DOCK2: variants seen among roughly 807,000 people sequenced by gnomAD.
The protein encoded by DOCK2 is dedicator of cytokinesis protein 2.
Under a neutral mutation model 248.9 loss-of-function variants are expected in DOCK2, and 87 were observed. The observed-to-expected ratio is 0.35, with a 90% confidence interval of 0.29 to 0.42. The LOEUF is 0.42. Among genes scored for constraint, DOCK2 ranks in the 10% least tolerant of loss-of-function variants. The probability of loss-of-function intolerance (pLI) is 1.00; values close to 1 mark genes in which losing one functional copy is unlikely to be tolerated. For synonymous variants in DOCK2, 805 were observed against 821.6 expected (o/e 0.98, Z 0.35); for missense variants, 1,747 against 2,300.2 (o/e 0.76, Z 4.92).
intron 27 of DOCK2, among the ~76,000 whole-genome samples, chr5:169,938,910 C>CTTTTTTT (rs60068204): frequency 7.1e-6 from 1 of 141,218 alleles, no homozygotes; most frequent in Admixed American, 7.1e-5. Context: ...TTTTTCTTTT[C>CTTTTTTT]TTTTTTTTTT....
chr5:169,959,253 C>T (rs1053069114), intron 27 of DOCK2, among the ~76,000 whole-genome samples: 3 of 151,752 alleles, frequency 2.0e-5, no homozygotes, highest in South Asian at 2.1e-4. Flanking sequence ...AATAGCTGGG[C>T]GTGGTGGTGC....
chr5:169,757,364 T>TA (rs34457399), intron 23 of DOCK2, among the ~76,000 whole-genome samples: 41,582 of 151,290 alleles, frequency 0.27, 7,453 homozygotes, highest in African/African-American at 0.49. Context: ...GTTCTATAGT[T>TA]AAAAAAAAAC....
intron 4 of DOCK2, 149 bp downstream of exon 4, chr5:169,670,746 A>C: frequency 1.1e-6 from 1 of 908,312 alleles, no homozygotes; most frequent in South Asian, 1.7e-5. Flanking sequence ...CCTTTCCGTT[A>C]CTCAATGGGA....
At chr5:170,079,366 C>A in intron 49 of DOCK2, 1 of 540,736 alleles carries the variant, frequency 1.8e-6, no homozygotes. Flanking sequence ...GAGTTGAGCC[C>A]TGACCTTTGC....
At chr5:169,979,515 C>T (rs1777864645) in intron 27 of DOCK2, among the ~76,000 whole-genome samples, 1 of 152,182 alleles carries the variant, frequency 6.6e-6, no homozygotes, top group Non-Finnish European at 1.5e-5. Context: ...GGAGACTTTT[C>T]TGAATATGAA....
chr5:170,072,961 G>A (rs890478926), intron 46 of DOCK2, among the ~76,000 whole-genome samples: 7 of 152,064 alleles, frequency 4.6e-5, no homozygotes, highest in Non-Finnish European at 1.0e-4. Flanking sequence ...AGTCTGGCTT[G>A]TCTGTTTGCT....
intron 9 of DOCK2, among the ~76,000 whole-genome samples, chr5:169,694,147 C>T (rs1008231911): frequency 6.6e-6 from 1 of 152,222 alleles, no homozygotes; most frequent in African/African-American, 2.4e-5. Context: ...TCCCTTCCTC[C>T]TATACCAGCA....
At chr5:169,723,740 C>T (rs1338703907) in intron 22 of DOCK2, among the ~76,000 whole-genome samples, 1 of 152,096 alleles carries the variant, frequency 6.6e-6, no homozygotes, top group Non-Finnish European at 1.5e-5. Context: ...AATTGCAACC[C>T]CTGTCCCGAG....
At chr5:169,719,373 C>G (rs1762073466) in intron 22 of DOCK2, among the ~76,000 whole-genome samples, 1 of 152,212 alleles carries the variant, frequency 6.6e-6, no homozygotes, top group African/African-American at 2.4e-5. Context: ...TCATGTTCAT[C>G]TTGGCCATAG....
intron 27 of DOCK2, among the ~76,000 whole-genome samples, chr5:169,895,591 C>G (rs1773551326): frequency 6.6e-6 from 1 of 152,070 alleles, no homozygotes; most frequent in South Asian, 2.1e-4. Context: ...CATGCTTTCA[C>G]CCTGACTCCA....
chr5:169,882,242 G>C (rs1481378952), intron 27 of DOCK2, among the ~76,000 whole-genome samples: 1 of 152,150 alleles, frequency 6.6e-6, no homozygotes, highest in Non-Finnish European at 1.5e-5. Context: ...CCCCCATCAT[G>C]TATCAATAGA....
chr5:169,975,159 G>A (rs967191454), intron 27 of DOCK2, among the ~76,000 whole-genome samples: 2 of 152,202 alleles, frequency 1.3e-5, no homozygotes, highest in East Asian at 3.9e-4. Flanking sequence ...AGCAAGAAAT[G>A]CTTGCTGAAG....
intron 27 of DOCK2, among the ~76,000 whole-genome samples, chr5:169,925,352 T>C (rs368987247): frequency 7.9e-5 from 12 of 151,982 alleles, no homozygotes; most frequent in East Asian, 3.9e-4. Context: ...GAGGCTGAGG[T>C]GGGCAGATCA....
chr5:169,785,470 AT>A (rs1264445981), intron 25 of DOCK2, among the ~76,000 whole-genome samples: 6 of 152,224 alleles, frequency 3.9e-5, no homozygotes, highest in African/African-American at 1.4e-4. Flanking sequence ...AACAAATGGA[AT>A]AGGAATATTA....
intron 22 of DOCK2, among the ~76,000 whole-genome samples, chr5:169,727,093 G>GA (rs1554094069): frequency 0.01 from 1,511 of 150,544 alleles, 25 homozygotes; most frequent in African/African-American, 0.035. Context: ...AAAAAAGAAA[G>GA]AAAGAAAAGA....
intron 27 of DOCK2, among the ~76,000 whole-genome samples, chr5:169,966,756 G>T (rs909158180): frequency 2.6e-5 from 4 of 152,168 alleles, no homozygotes; most frequent in African/African-American, 9.7e-5. Context: ...CATGGAAAAT[G>T]AGGCCGGAAA....
intron 27 of DOCK2, among the ~76,000 whole-genome samples, chr5:169,858,861 A>G (rs1771027988): frequency 6.6e-6 from 1 of 152,084 alleles, no homozygotes; most frequent in Admixed American, 6.6e-5. Context: ...TTTTAAAAAA[A>G]ACATTAGTGG....
At chr5:169,826,187 T>C (rs1768842011) in intron 26 of DOCK2, among the ~76,000 whole-genome samples, 1 of 152,170 alleles carries the variant, frequency 6.6e-6, no homozygotes, top group Non-Finnish European at 1.5e-5. Context: ...CTTTGGACTT[T>C]CAAAATGGAA....
intron 27 of DOCK2, among the ~76,000 whole-genome samples, chr5:169,867,557 G>A (rs1771660140): frequency 2.0e-5 from 3 of 151,350 alleles, no homozygotes; most frequent in Admixed American, 6.6e-5. Flanking sequence ...TCATCTATCA[G>A]TATCTATTAT....
Sources: gnomAD v4.1 joint callset for allele counts (sites outside exome capture counted in the v4.1 genomes callset) on GRCh38, gnomAD v4.1.1 for gene constraint, MANE v1.5 for transcripts, NCBI Gene and HGNC (gene_info 2026-07-23, HGNC 2026-07-21) for gene names.